The following RNF40 variants were observed in gnomAD, a reference collection of about 807,000 sequenced individuals.
RNF40 encodes ring finger protein 40, also known as E3 ubiquitin-protein ligase BRE1B.
In RNF40, 39 loss-of-function variants were observed where a neutral mutation model predicts 123.3. The ratio of observed to expected loss-of-function variants is 0.32; its 90% CI spans 0.24 to 0.41. The LOEUF (loss-of-function observed/expected upper bound fraction) is 0.41. Among genes scored for constraint, RNF40 ranks in the 10% least tolerant of loss-of-function variants. The pLI, the probability that RNF40 is intolerant of heterozygous loss-of-function variation, is 1.00. For missense variants in RNF40, 1,003 were observed against 1,319.9 expected, an observed-to-expected ratio of 0.76 and a Z score of 3.72; for synonymous variants, 538 against 526.0, an observed-to-expected ratio of 1.02 and a Z score of -0.31.
chr16:30,763,343 C>T, intron 3 of RNF40, 58 bp downstream of exon 3: 2 of 1,608,904 alleles, frequency 1.2e-6, no homozygotes, highest in South Asian at 1.1e-5. Context: ...TCCCCAGATT[C>T]CCCTGCTAGG....
At position 30,768,086 on chromosome 16, in the gene RNF40, CCT is replaced by C. The variant is rs1212132527; in HGVS notation, c.1552-12_1552-11del. ...AACACCATCTGACTTCATCCCTCTT[CCT>C]CTCTGCCTTTGCAGCTCCGGGCCCA... On this transcript the variant is annotated splice_polypyrimidine_tract_variant and intron_variant, in intron 12 of 19. Transcript: ENST00000324685. The surrounding 1 kb of genome is among the most constrained non-coding windows in gnomAD (Gnocchi z 4.1). 1 of 1,612,654 alleles carries C rather than the reference CCT, an allele frequency of 6.2e-7. No homozygotes were observed. Among genetic ancestry groups the C allele is most frequent in the Non-Finnish European group, 8.5e-7 (1 of 1,178,910 alleles).
intron 8 of RNF40, 85 bp downstream of exon 8, chr16:30,765,584 T>C: frequency 8.0e-7 from 1 of 1,257,164 alleles, no homozygotes; most frequent in South Asian, 1.3e-5. Flanking sequence ...AGGACAAACA[T>C]CCATCTCTGA....
chr16:30,763,089 C>G, intron 2 of RNF40, 29 bp from the exon 3 acceptor site: 1 of 1,612,036 alleles, frequency 6.2e-7, no homozygotes, highest in Non-Finnish European at 8.5e-7. Flanking sequence ...GCTTGACGCT[C>G]TCGTCGGCCC....
At chr16:30,765,377 T>G (rs760515167) in intron 7 of RNF40, 48 bp from the exon 8 acceptor site, 1 of 1,614,032 alleles carries the variant, frequency 6.2e-7, no homozygotes, top group Non-Finnish European at 8.5e-7. Flanking sequence ...CCCTTGGGCC[T>G]TAGCTCCTCC....
intron 5 of RNF40, 139 bp from the exon 6 acceptor site, chr16:30,764,799 A>C (rs1334486802): frequency 9.6e-6 from 12 of 1,251,648 alleles, no homozygotes; most frequent in Non-Finnish European, 1.3e-5. Flanking sequence ...TGCAGTGGGG[A>C]TAAAGACTCC....
At chr16:30,764,530 G>A (rs1293588683) in intron 5 of RNF40, 145 bp downstream of exon 5, 3 of 735,430 alleles carry the variant, frequency 4.1e-6, no homozygotes, top group African/African-American at 3.5e-5. Context: ...GAAGAGGTAG[G>A]TTAGGCTGTA....
intron 4 of RNF40, 66 bp from the exon 5 acceptor site, chr16:30,764,113 G>T: frequency 1.5e-6 from 2 of 1,364,510 alleles, no homozygotes; most frequent in Non-Finnish European, 1.0e-6. Flanking sequence ...GCTCAGTCTG[G>T]AACTTGGTAC....
rs919385060 is a variant in RNF40, at chr16:30,766,139, A to C, written c.994-24A>C. ...GCTGCCACGTCTGGCCCTGCCTCCC[A>C]TGGCCCTGCCTCCCACTCCTTAGTT... On this transcript the variant is annotated intron_variant, in intron 8 of 19. Transcript: ENST00000324685. This position sits in a 1 kb window ranked among gnomAD's most constrained non-coding sequence, Gnocchi z 5.4. 1.3e-5 allele frequency: 21 copies of C among 1,613,188 alleles called. No homozygotes were observed. The highest frequency in any genetic ancestry group is 1.2e-4 in the Admixed American group (7 of 59,988).
At position 30,771,936 on chromosome 16, in the gene RNF40, C is replaced by T; in HGVS notation, c.2690C>T (p.Ala897Val). 1.9e-6 allele frequency: 3 copies of T among 1,602,700 alleles called. No homozygotes were observed. The highest frequency in any genetic ancestry group is 8.5e-7 in the Non-Finnish European group (1 of 1,172,724). ...CCCTGCCTGGCAGAGAGCCGGGCTG[C>T]TCGTGAGAAAGAGAGCTTCAACCTC... ...IQPCLAESRA[A>V]REKESFNLKR... The change falls in exon 18 of 20, where the codon GCT (alanine) becomes GTT (valine). Residue 897 changes from alanine to valine, a missense_variant. Around this residue, in one of 11 missense-constraint regions of RNF40, gnomAD observed 121 missense variants for 125.3 expected, o/e 0.97. Transcript: ENST00000324685.
At chr16:30,765,130 C>T in intron 6 of RNF40, 51 bp from the exon 7 acceptor site, 2 of 1,611,642 alleles carry the variant, frequency 1.2e-6, no homozygotes, top group South Asian at 1.1e-5. Context: ...CACTCAGGGA[C>T]CTCAGGAACC....
Position 30,765,474 on chromosome 16 carries a change from G to A in RNF40, c.968G>A (p.Gly323Asp), listed in dbSNP as rs2054011213. Residue 323 changes from glycine to aspartate, a missense_variant, in exon 8 of 20, where the codon GGC (glycine) becomes GAC (aspartate). By Grantham distance (94) the Gly-to-Asp change is moderately conservative (BLOSUM62 -1). Transcript: ENST00000324685. ...VSGSSSGFQG[G>D]QITLSMQKFE... ...GGGAGCTCCTCAGGCTTCCAGGGGGGCCAGATCACACTCAGCATGCAGAAG... is the reference window on the plus strand; with the variant it reads ...GGGAGCTCCTCAGGCTTCCAGGGGGACCAGATCACACTCAGCATGCAGAAG... 1.2e-6 allele frequency: 2 copies of A among 1,613,946 alleles called. No individual in the cohort carries two copies. Among genetic ancestry groups the A allele is most frequent in the Non-Finnish European group, 1.7e-6 (2 of 1,180,030 alleles).
In RNF40 at chr16:30,765,347, G is replaced by A; in HGVS notation, c.918+20G>A. The stretch of plus-strand genomic sequence containing the variant: ...GAGCAGGTGGGGCAGGGGTGCTGGG[G>A]CAGGTGAGGCAAGGCTGGGCCCTTG... On this transcript the variant is annotated intron_variant, in intron 7 of 19. Coordinates refer to ENST00000324685, the MANE Select transcript of RNF40 (RefSeq NM_014771.4). 3 of 1,614,186 alleles carry A rather than the reference G, an allele frequency of 1.9e-6. No homozygotes were observed. The highest frequency in any genetic ancestry group is 2.5e-6 in the Non-Finnish European group (3 of 1,180,012).
intron 11 of RNF40, 114 bp from the exon 12 acceptor site, chr16:30,767,780 A>G (rs763194418): frequency 5.0e-6 from 7 of 1,413,526 alleles, no homozygotes; most frequent in Non-Finnish European, 6.9e-6. Flanking sequence ...TTGAGGCCGC[A>G]ATGTTCCCCT....
At chr16:30,764,411 G>T in intron 5 of RNF40, 26 bp downstream of exon 5, 2 of 1,592,536 alleles carry the variant, frequency 1.3e-6, no homozygotes, top group Non-Finnish European at 1.7e-6. Flanking sequence ...CCATACTGAA[G>T]GGGTGTCCAT....
chr16:30,766,625 C>G lies in RNF40; in HGVS notation c.1293+67C>G. On this transcript the variant is annotated intron_variant, in intron 10 of 19. Coordinates refer to ENST00000324685, the MANE Select transcript of RNF40 (RefSeq NM_014771.4). This position sits in a 1 kb window ranked among gnomAD's most constrained non-coding sequence, Gnocchi z 5.4. ...AACCGTTAGTGTTGACGTGTTTGTG[C>G]CTTCCGAGGCCCTGTGTGCCAGCCA... is the stretch of plus-strand genomic sequence containing the variant. The G allele has an allele frequency of 6.3e-7, 1 of 1,579,452 alleles. No individual in the cohort carries two copies. The highest frequency in any genetic ancestry group is 8.6e-7 in the Non-Finnish European group (1 of 1,160,546).
chr16:30,768,280 G>A lies in RNF40; in HGVS notation c.1729G>A (p.Val577Met), dbSNP rs762363533. 6.2e-7 allele frequency: 1 copy of A among 1,614,060 alleles called. No individual in the cohort carries two copies. The highest frequency in any genetic ancestry group is 1.1e-5 in the South Asian group (1 of 91,090). Reference sequence around the variant, plus strand: ...TGGCACCACCACTACTACCACTTCAGTGAAGAAGGAGGAGCTGGTCCCCTC... The same window carrying A: ...TGGCACCACCACTACTACCACTTCAATGAAGAAGGAGGAGCTGGTCCCCTC... ...VPGTTTTTTS[V>M]KKEELVPSEE... Residue 577 changes from valine (V) to methionine (M), a missense_variant, in exon 13 of 20, where the codon GTG becomes ATG. Coordinates refer to ENST00000324685, the MANE Select transcript of RNF40 (RefSeq NM_014771.4). The surrounding 1 kb of genome is among the most constrained non-coding windows in gnomAD (Gnocchi z 4.1).
At position 30,775,189 on chromosome 16, in the gene RNF40, A is replaced by AG. The variant is rs1218014831; in HGVS notation, c.*1076dup. ...AATAAACGTTCAACCCTCGGCCTGC[A>AG]GCCAGAGTAGCCAGGCCGCGCACCC... On this transcript the variant is annotated 3_prime_UTR_variant, in exon 20 of 20. Coordinates refer to ENST00000324685, the MANE Select transcript of RNF40 (RefSeq NM_014771.4). The AG allele has an allele frequency of 2.8e-6, 1 of 353,178 alleles. No individual in the cohort carries two copies. Among genetic ancestry groups the AG allele is most frequent in the Non-Finnish European group, 5.6e-6 (1 of 179,126 alleles). 21.9% of individuals were successfully genotyped at this position (353,178 alleles called of 1,614,324 possible).
At chr16:30,762,768 C>T in intron 2 of RNF40, 91 bp downstream of exon 2, 9 of 1,518,276 alleles carry the variant, frequency 5.9e-6, no homozygotes, top group Non-Finnish European at 8.0e-6. Flanking sequence ...ACCCACTTCC[C>T]CAAGTTTAGC....
Position 30,766,688 on chromosome 16 carries a change from G to A in RNF40, c.1294-53G>A. The A allele has an allele frequency of 6.2e-7, 1 of 1,610,188 alleles. No homozygotes were observed. Among genetic ancestry groups the A allele is most frequent in the Non-Finnish European group, 8.5e-7 (1 of 1,177,880 alleles). On this transcript the variant is annotated intron_variant, in intron 10 of 19. Coordinates refer to ENST00000324685, the MANE Select transcript of RNF40 (RefSeq NM_014771.4). The surrounding 1 kb of genome is among the most constrained non-coding windows in gnomAD (Gnocchi z 5.4). ...GAATAGATTCTTCCTAAGATACTGA[G>A]TCCTGAGGTGGGACCGAGGGGCTGT...
Sources: gnomAD v4.1 joint callset for allele counts on GRCh38, gnomAD v4.1.1 for gene constraint, gnomAD v4.1.1 regional missense constraint, Gnocchi (gnomAD v3.1) non-coding constraint, MANE v1.5 for transcripts, NCBI Gene and HGNC (gene_info 2026-07-23, HGNC 2026-07-21) for gene names.